Variants in SIPA1L1 observed in about 807,000 individuals in gnomAD.
The protein encoded by SIPA1L1 is signal induced proliferation associated 1 like 1, also known as signal-induced proliferation-associated 1-like protein 1.
In SIPA1L1, 26 loss-of-function variants were observed where a neutral mutation model predicts 162.7. The observed-to-expected ratio is 0.16, with a 90% CI of 0.12 to 0.22. The LOEUF is 0.22. SIPA1L1 is among the 10% of genes least tolerant of loss of function. The pLI, the probability that SIPA1L1 is intolerant of heterozygous loss-of-function variation, is 1.00. For synonymous variants in SIPA1L1, 829 were observed against 837.4 expected (o/e 0.99, Z 0.17); for missense variants, 1,874 against 2,241.0 (o/e 0.84, Z 3.31).
intron 2 of SIPA1L1, among the ~76,000 whole-genome samples, chr14:71,447,532 A>C (rs912050683): frequency 1.3e-4 from 19 of 149,308 alleles, no homozygotes; most frequent in African/African-American, 4.7e-4. Context: ...TGGTTTACTT[A>C]ATCTGATTTT....
chr14:71,341,468 G>C (rs917391), intron 2 of SIPA1L1, among the ~76,000 whole-genome samples: 87,245 of 152,030 alleles, frequency 0.57, 25,667 homozygotes, highest in East Asian at 0.77. Flanking sequence ...CTTTTAAGAG[G>C]CTGGAGGCAT....
At chr14:71,607,817 C>A (rs1291659349) in intron 5 of SIPA1L1, among the ~76,000 whole-genome samples, 5 of 152,148 alleles carry the variant, frequency 3.3e-5, no homozygotes, top group Admixed American at 3.3e-4. Flanking sequence ...ATAAAAAGAT[C>A]AAAGTAACTA....
chr14:71,596,191 G>T lies in SIPA1L1; in HGVS notation c.1498+6821G>T, dbSNP rs543768648. On this transcript the variant is annotated intron_variant, in intron 5 of 23. Transcript: ENST00000381232. ...GATTAGGCAGGGAGAGCCTCAGACC[G>T]TGATGCAGGTCTGACAAAGTGTCAG... Among the ~76,000 whole-genome samples the T allele has an allele frequency of 3.9e-5, 6 of 152,168 alleles. No homozygotes were observed. The South Asian group carries it at 1.0e-3, about 26-fold the overall frequency.
intron 2 of SIPA1L1, among the ~76,000 whole-genome samples, chr14:71,384,715 C>T (rs1281280421): frequency 3.3e-5 from 5 of 152,052 alleles, no homozygotes; most frequent in African/African-American, 1.2e-4. Flanking sequence ...GAAATATGGG[C>T]CCATTTGGTC....
chr14:71,516,509 C>T (rs1348775395), intron 3 of SIPA1L1, among the ~76,000 whole-genome samples: 1 of 152,188 alleles, frequency 6.6e-6, no homozygotes, highest in Non-Finnish European at 1.5e-5. Context: ...ACCTCAGCCT[C>T]CTGAGTAGCT....
At chr14:71,320,528 C>CT (rs1428231323) in intron 1 of SIPA1L1, 25 bp downstream of exon 1, 1 of 152,518 alleles carries the variant, frequency 6.6e-6, no homozygotes, top group East Asian at 1.9e-4. Context: ...GAGTCCCCGG[C>CT]TGGAGGGTCC....
At chr14:71,641,082 A>C (rs902510673) in intron 7 of SIPA1L1, among the ~76,000 whole-genome samples, 1 of 152,222 alleles carries the variant, frequency 6.6e-6, no homozygotes, top group Non-Finnish European at 1.5e-5. Flanking sequence ...ACATAGAAAA[A>C]TACAGAAAAA....
intron 2 of SIPA1L1, among the ~76,000 whole-genome samples, chr14:71,383,225 A>G (rs2040047989): frequency 6.6e-6 from 1 of 152,210 alleles, no homozygotes; most frequent in African/African-American, 2.4e-5. Context: ...TATTATTGTC[A>G]TTCCATTTTA....
intron 2 of SIPA1L1, among the ~76,000 whole-genome samples, chr14:71,466,369 T>G (rs1207936212): frequency 6.6e-6 from 1 of 152,182 alleles, no homozygotes; most frequent in African/African-American, 2.4e-5. Context: ...ACAGGCGGAT[T>G]GCATCTAAGA....
intron 2 of SIPA1L1, among the ~76,000 whole-genome samples, chr14:71,477,293 G>C (rs1362345039): frequency 1.3e-5 from 2 of 151,984 alleles, no homozygotes; most frequent in African/African-American, 2.4e-5. Flanking sequence ...ATGTTATACT[G>C]TCTCCCCACC....
At chr14:71,695,839 T>C (rs1360157395) in intron 13 of SIPA1L1, among the ~76,000 whole-genome samples, 1 of 152,216 alleles carries the variant, frequency 6.6e-6, no homozygotes, top group African/African-American at 2.4e-5. Flanking sequence ...ACACTTCAGG[T>C]TGAAAGGAAT....
At chr14:71,347,821 C>A (rs2036317377) in intron 2 of SIPA1L1, among the ~76,000 whole-genome samples, 1 of 152,036 alleles carries the variant, frequency 6.6e-6, no homozygotes, top group African/African-American at 2.4e-5. Flanking sequence ...ACATTTTTTG[C>A]CCATTTTAAA....
At chr14:71,481,721 T>C (rs765422496) in intron 2 of SIPA1L1, among the ~76,000 whole-genome samples, 2 of 152,178 alleles carry the variant, frequency 1.3e-5, no homozygotes, top group Admixed American at 6.5e-5. Flanking sequence ...TAGAAAACCA[T>C]TAAAAATTAG....
chr14:71,379,989 A>AAAT (rs1164233283), intron 2 of SIPA1L1, among the ~76,000 whole-genome samples: 12 of 152,118 alleles, frequency 7.9e-5, no homozygotes, highest in South Asian at 6.2e-4. Context: ...TTCTTTTTGA[A>AAAT]AATAATAATA....
chr14:71,550,202 A>T (rs890178745), intron 4 of SIPA1L1, among the ~76,000 whole-genome samples: 12 of 152,274 alleles, frequency 7.9e-5, no homozygotes, highest in Admixed American at 2.0e-4. Context: ...GTGAGTTGTG[A>T]TGACGCTGCT....
intron 14 of SIPA1L1, 27 bp from the exon 15 acceptor site, chr14:71,702,354 T>C (rs1232018127): frequency 1.9e-6 from 3 of 1,613,452 alleles, no homozygotes; most frequent in Non-Finnish European, 2.5e-6. Flanking sequence ...CCTGATGTTG[T>C]CTTTGCCTTT....
At chr14:71,586,775 C>G (rs2034663900) in intron 4 of SIPA1L1, 1 of 152,180 alleles carries the variant, frequency 6.6e-6, no homozygotes, top group Non-Finnish European at 1.5e-5. Flanking sequence ...TAAATTAGCA[C>G]TGATGGGGTG....
intron 2 of SIPA1L1, among the ~76,000 whole-genome samples, chr14:71,479,442 CT>C (rs747667500): frequency 6.6e-5 from 10 of 152,074 alleles, no homozygotes; most frequent in Non-Finnish European, 1.2e-4. Context: ...GTCACCCAGG[CT>C]GGAGTTTAGT....
chr14:71,705,980 T>A (rs1356426161), intron 16 of SIPA1L1, among the ~76,000 whole-genome samples: 1 of 152,102 alleles, frequency 6.6e-6, no homozygotes, highest in Non-Finnish European at 1.5e-5. Flanking sequence ...TGCAGTTGAT[T>A]TCCTTGGTGT....
Sources: allele counts gnomAD v4.1 joint callset (sites outside exome capture counted in the v4.1 genomes callset), GRCh38; gene constraint gnomAD v4.1.1; transcripts MANE v1.5; gene names NCBI Gene and HGNC (gene_info 2026-07-23, HGNC 2026-07-21).